HS6ST3: variants seen among roughly 807,000 people sequenced by gnomAD.
HS6ST3 encodes heparan sulfate 6-O-sulfotransferase 3, also known as heparan-sulfate 6-O-sulfotransferase 3.
HS6ST3 carries 12 observed loss-of-function variants against 36.7 expected under a neutral mutation model. The ratio of observed to expected loss-of-function variants is 0.33; its 90% confidence interval spans 0.21 to 0.53. HS6ST3 has a LOEUF of 0.53. Among genes scored for constraint, HS6ST3 ranks in the 20% least tolerant of loss-of-function variants. HS6ST3 has a pLI of 0.95. For synonymous variants in HS6ST3, 240 were observed against 257.5 expected, an observed-to-expected ratio of 0.93 and a Z score of 0.65; for missense variants, 584 against 640.9, an observed-to-expected ratio of 0.91 and a Z score of 0.96.
At chr13:96,708,871 G>T (rs1180203484) in intron 1 of HS6ST3, among the ~76,000 whole-genome samples, 1 of 152,152 alleles carries the variant, frequency 6.6e-6, no homozygotes, top group Admixed American at 6.5e-5. Context: ...AAGGATAGGA[G>T]AAAAAATAAA....
At chr13:96,325,063 A>G (rs1435231481) in intron 1 of HS6ST3, among the ~76,000 whole-genome samples, 1 of 152,176 alleles carries the variant, frequency 6.6e-6, no homozygotes, top group Non-Finnish European at 1.5e-5. Context: ...CCTATCACTT[A>G]CTCACCAGTA....
At chr13:96,162,041 G>A (rs571942844) in intron 1 of HS6ST3, among the ~76,000 whole-genome samples, 14 of 151,978 alleles carry the variant, frequency 9.2e-5, no homozygotes, top group Non-Finnish European at 1.6e-4. Context: ...TAAAGATCTT[G>A]GAAATAAAAA....
At chr13:96,683,156 C>T (rs907161812) in intron 1 of HS6ST3, among the ~76,000 whole-genome samples, 3 of 151,994 alleles carry the variant, frequency 2.0e-5, no homozygotes, top group Non-Finnish European at 4.4e-5. Flanking sequence ...TATAATATAT[C>T]GCTTATGATA....
At chr13:96,810,377 G>C (rs1204674648) in intron 1 of HS6ST3, among the ~76,000 whole-genome samples, 1 of 152,122 alleles carries the variant, frequency 6.6e-6, no homozygotes, top group Non-Finnish European at 1.5e-5. Context: ...AGGCACATTG[G>C]AAGTGTTCCA....
intron 1 of HS6ST3, among the ~76,000 whole-genome samples, chr13:96,799,944 G>A (rs1282507764): frequency 1.1e-5 from 1 of 88,072 alleles, no homozygotes; most frequent in South Asian, 3.7e-4. Flanking sequence ...ATATGTGTGT[G>A]TATATATATA....
intron 1 of HS6ST3, among the ~76,000 whole-genome samples, chr13:96,484,556 A>G (rs2055905037): frequency 6.6e-6 from 1 of 152,110 alleles, no homozygotes; most frequent in Admixed American, 6.6e-5. Flanking sequence ...TGCTTCTGCA[A>G]GTTTGACTAT....
intron 1 of HS6ST3, among the ~76,000 whole-genome samples, chr13:96,600,782 A>T (rs1396603783): frequency 6.6e-6 from 1 of 151,874 alleles, no homozygotes; most frequent in Non-Finnish European, 1.5e-5. Flanking sequence ...TATGCTTTCA[A>T]GTGTTTTTAT....
chr13:96,179,368 G>A (rs1262973580), intron 1 of HS6ST3, among the ~76,000 whole-genome samples: 1 of 152,124 alleles, frequency 6.6e-6, no homozygotes, highest in Non-Finnish European at 1.5e-5. Flanking sequence ...TAGTCTCTTA[G>A]CTGCAAACCA....
intron 1 of HS6ST3, among the ~76,000 whole-genome samples, chr13:96,808,145 C>G (rs554787484): frequency 2.0e-5 from 3 of 152,118 alleles, no homozygotes; most frequent in South Asian, 2.1e-4. Context: ...TACAGAGGAG[C>G]CTTGGTCGGA....
chr13:96,689,989 C>T (rs1462436778), intron 1 of HS6ST3, among the ~76,000 whole-genome samples: 2 of 151,950 alleles, frequency 1.3e-5, no homozygotes, highest in Admixed American at 6.6e-5. Context: ...TTTAAATGCT[C>T]GTGTTTTAAA....
At chr13:96,428,953 T>A (rs2055600860) in intron 1 of HS6ST3, among the ~76,000 whole-genome samples, 1 of 152,218 alleles carries the variant, frequency 6.6e-6, no homozygotes, top group Non-Finnish European at 1.5e-5. Flanking sequence ...GGAATGGTCC[T>A]TGTAGTTATA....
intron 1 of HS6ST3, among the ~76,000 whole-genome samples, chr13:96,826,417 AT>A (rs528262044): frequency 2.6e-5 from 4 of 151,794 alleles, no homozygotes; most frequent in East Asian, 1.9e-4. Flanking sequence ...TTACATAGCA[AT>A]TTTTTTTTAA....
intron 1 of HS6ST3, among the ~76,000 whole-genome samples, chr13:96,167,454 A>G (rs549435806): frequency 6.6e-6 from 1 of 152,312 alleles, no homozygotes; most frequent in East Asian, 1.9e-4. Flanking sequence ...GCAAAGTGCC[A>G]TGTGCTCTTG....
intron 1 of HS6ST3, among the ~76,000 whole-genome samples, chr13:96,505,437 A>G (rs1412867409): frequency 6.6e-6 from 1 of 152,128 alleles, no homozygotes; most frequent in African/African-American, 2.4e-5. Context: ...TCAGGCTGAG[A>G]TGGAATATTT....
At chr13:96,188,938 A>G (rs1388895948) in intron 1 of HS6ST3, among the ~76,000 whole-genome samples, 1 of 152,180 alleles carries the variant, frequency 6.6e-6, no homozygotes, top group African/African-American at 2.4e-5. Flanking sequence ...ATTAAGAACA[A>G]TATTGTCACA....
chr13:96,748,964 G>A (rs1387261604), intron 1 of HS6ST3, among the ~76,000 whole-genome samples: 2 of 151,980 alleles, frequency 1.3e-5, no homozygotes, highest in Non-Finnish European at 2.9e-5. Context: ...TTATACTTCA[G>A]TTTAGGAAAT....
At chr13:96,597,609 C>T (rs867125449) in intron 1 of HS6ST3, among the ~76,000 whole-genome samples, 12 of 151,798 alleles carry the variant, frequency 7.9e-5, no homozygotes, top group African/African-American at 2.9e-4. Context: ...GTATAGTTTG[C>T]TAATATTTTC....
chr13:96,331,484 A>G (rs974015306), intron 1 of HS6ST3, among the ~76,000 whole-genome samples: 1 of 152,190 alleles, frequency 6.6e-6, no homozygotes, highest in Non-Finnish European at 1.5e-5. Context: ...CCTCCCAGTT[A>G]GGCTGCTCAG....
chr13:96,666,764 G>T (rs376109952), intron 1 of HS6ST3, among the ~76,000 whole-genome samples: 2 of 151,980 alleles, frequency 1.3e-5, no homozygotes, highest in South Asian at 4.1e-4. Context: ...TTATAAAATA[G>T]TTATATTTTA....
Sources: gnomAD v4.1 joint callset for allele counts (sites outside exome capture counted in the v4.1 genomes callset) on GRCh38, gnomAD v4.1.1 for gene constraint, MANE v1.5 for transcripts, NCBI Gene and HGNC (gene_info 2026-07-23, HGNC 2026-07-21) for gene names.